SMG1: variants seen among roughly 807,000 people sequenced by gnomAD.
SMG1 encodes the protein serine/threonine-protein kinase SMG1.
SMG1 carries 22 observed loss-of-function variants against 419.9 expected under a neutral mutation model. The ratio of observed to expected loss-of-function variants is 0.05; its 90% CI spans 0.04 to 0.07. SMG1 has a LOEUF of 0.07. Among genes scored for constraint, SMG1 ranks in the 10% least tolerant of loss-of-function variants. SMG1 has a pLI of 1.00. For missense variants in SMG1, 3,185 were observed against 4,342.0 expected (o/e 0.73, Z 7.49); for synonymous variants, 1,538 against 1,553.5 (o/e 0.99, Z 0.23).
intron 22 of SMG1, among the ~76,000 whole-genome samples, chr16:18,867,085 A>G (rs1346860205): frequency 6.6e-6 from 1 of 152,246 alleles, no homozygotes; most frequent in Non-Finnish European, 1.5e-5. Flanking sequence ...AAATATAAAT[A>G]AACAGGAATT....
At chr16:18,854,432 G>A (rs1179904212) in intron 30 of SMG1, among the ~76,000 whole-genome samples, 2 of 151,962 alleles carry the variant, frequency 1.3e-5, no homozygotes, top group Non-Finnish European at 2.9e-5. Context: ...AATGATCTCC[G>A]GAAATACTTC....
At chr16:18,914,670 A>G (rs1039185622) in intron 1 of SMG1, among the ~76,000 whole-genome samples, 42 of 152,014 alleles carry the variant, frequency 2.8e-4, no homozygotes, top group Non-Finnish European at 5.1e-4. Context: ...GATGACAAAT[A>G]AAATAAAATA....
intron 60 of SMG1, among the ~76,000 whole-genome samples, chr16:18,813,168 C>T (rs2031640480): frequency 6.6e-6 from 1 of 152,236 alleles, no homozygotes; most frequent in African/African-American, 2.4e-5. Context: ...GATTTATAGT[C>T]CTTTGGGTAT....
chr16:18,845,362 T>C (rs898794601), intron 39 of SMG1, 67 bp downstream of exon 39: 3 of 1,362,768 alleles, frequency 2.2e-6, no homozygotes, highest in African/African-American at 2.9e-5. Flanking sequence ...GTCCACTTAT[T>C]GAAATTTCGT....
intron 13 of SMG1, among the ~76,000 whole-genome samples, chr16:18,874,149 T>C (rs2035977271): frequency 6.6e-6 from 1 of 152,180 alleles, no homozygotes; most frequent in Admixed American, 6.5e-5. Flanking sequence ...TTGTGTTTTT[T>C]TTCTTTTGAG....
At chr16:18,923,628 C>A (rs1450812365) in intron 1 of SMG1, among the ~76,000 whole-genome samples, 1 of 150,468 alleles carries the variant, frequency 6.6e-6, no homozygotes, top group African/African-American at 2.5e-5. Context: ...GAGCAAGACT[C>A]CATCTCAGGA....
At chr16:18,885,297 AG>A (rs2141745675) in intron 7 of SMG1, 135 bp from the exon 8 acceptor site, 1 of 635,876 alleles carries the variant, frequency 1.6e-6, no homozygotes, top group African/African-American at 1.8e-5. Flanking sequence ...AAACTTAGAA[AG>A]GGGAGAGGGG....
chr16:18,888,720 C>T (rs2036748173), intron 6 of SMG1, among the ~76,000 whole-genome samples: 1 of 151,934 alleles, frequency 6.6e-6, no homozygotes, highest in Non-Finnish European at 1.5e-5. Flanking sequence ...TCCACCTCGG[C>T]CTCCCAAAGT....
intron 45 of SMG1, 58 bp downstream of exon 45, chr16:18,837,956 G>A: frequency 6.5e-7 from 1 of 1,536,806 alleles, no homozygotes; most frequent in East Asian, 2.3e-5. Context: ...ATTTTGATGA[G>A]CATGTTTACT....
Position 18,829,706 on chromosome 16 carries a change from A to C in SMG1, c.9183T>G (p.Ile3061Met). The change falls in exon 54 of 63, where the codon ATT becomes ATG. Residue 3061 changes from isoleucine (I) to methionine (M), a missense_variant. Physicochemically the swap from Ile to Met is conservative, Grantham distance 10 (BLOSUM62 1). This residue lies in a region of SMG1 where 737 missense variants were observed against 846.6 expected (regional missense o/e 0.87). Transcript: ENST00000446231. Reference sequence around the variant, plus strand: ...TTCTAAAAAGGGTTTTCACATTGACAATCTGTACAGGCCCATTCACAGTAT... The same window carrying C: ...TTCTAAAAAGGGTTTTCACATTGACCATCTGTACAGGCCCATTCACAGTAT... ...DQNTVNGPVQ[I>M]VNVKTLFRNS... The C allele has an allele frequency of 1.2e-6, 2 of 1,613,962 alleles. No homozygotes were observed. Among genetic ancestry groups the C allele is most frequent in the East Asian group, 2.2e-5 (1 of 44,890 alleles).
chr16:18,926,301 G>A lies in SMG1; in HGVS notation c.-260C>T. ...TGAGAGAGAGGCGGATGAAGGGGAG[G>A]CGACGTCTTTTCCAGGGCCGTGCGC... On this transcript the variant is annotated 5_prime_UTR_variant, in exon 1 of 63. Transcript: ENST00000446231. 1 of 499,622 alleles carries A rather than the reference G, an allele frequency of 2.0e-6. No homozygotes were observed. Among genetic ancestry groups the A allele is most frequent in the South Asian group, 2.7e-5 (1 of 37,100 alleles). The allele number at this position is 499,622 out of a possible 1,614,324, so 30.9% of individuals were successfully genotyped here. A position where few individuals can be genotyped will look rare whatever the true frequency, so the allele number is the denominator to read the frequency against.
chr16:18,919,923 C>T (rs774631299), intron 1 of SMG1, among the ~76,000 whole-genome samples: 12 of 151,610 alleles, frequency 7.9e-5, no homozygotes, highest in Non-Finnish European at 1.8e-4. Context: ...ATGGCGAAAC[C>T]CTGTCTCTAA....
chr16:18,886,034 T>C (rs1441017541), intron 6 of SMG1, among the ~76,000 whole-genome samples: 1 of 152,214 alleles, frequency 6.6e-6, no homozygotes, highest in African/African-American at 2.4e-5. Context: ...TACTGTTTTC[T>C]CTTCTTCAAT....
Position 18,889,514 on chromosome 16 carries a change from T to C in SMG1, c.680A>G (p.Tyr227Cys). The C allele has an allele frequency of 5.1e-6, 3 of 593,224 alleles. No homozygotes were observed. Among genetic ancestry groups the C allele is most frequent in the Non-Finnish European group, 5.9e-6 (2 of 341,638 alleles). The allele number at this position is 593,224 out of a possible 1,614,324, so 36.7% of individuals were successfully genotyped here. ...CLGLLCASLS[Y>C]EAEKIFKWIF... The stretch of plus-strand genomic sequence containing the variant: ...CCACTTGAAGATCTTCTCAGCCTCA[T>C]AGCTCAGAGAAGCACAAAGAAGGCC... Residue 227 changes from tyrosine (Y) to cysteine (C), a missense_variant, in exon 6 of 63, where the codon TAT (tyrosine) becomes TGT (cysteine). Around this residue, in one of 27 missense-constraint regions of SMG1, gnomAD observed 53 missense variants for 56.3 expected, o/e 0.94. Transcript: ENST00000446231.
chr16:18,909,644 T>C (rs1390471696), intron 1 of SMG1, among the ~76,000 whole-genome samples: 1 of 152,220 alleles, frequency 6.6e-6, no homozygotes, highest in Admixed American at 6.5e-5. Context: ...TTCCAGAAGA[T>C]ATGGTCTCAC....
intron 60 of SMG1, among the ~76,000 whole-genome samples, chr16:18,812,601 C>T (rs1197886474): frequency 7.0e-6 from 1 of 142,310 alleles, no homozygotes; most frequent in African/African-American, 2.6e-5. Flanking sequence ...TATATATACA[C>T]ATATATATAC....
intron 1 of SMG1, among the ~76,000 whole-genome samples, chr16:18,898,176 C>G (rs573058998): frequency 3.7e-4 from 57 of 152,304 alleles, no homozygotes; most frequent in African/African-American, 1.3e-3. Flanking sequence ...TTGATCTGCA[C>G]TTACTGCAAT....
chr16:18,845,547 G>A lies in SMG1; in HGVS notation c.6101C>T (p.Thr2034Ile). Residue 2034 changes from threonine (T) to isoleucine (I), a missense_variant, in exon 39 of 63, where the codon ACA becomes ATA. Thr to Ile is a moderately conservative substitution (Grantham distance 89). Coordinates refer to ENST00000446231, the MANE Select transcript of SMG1 (RefSeq NM_015092.5). The part of the protein sequence containing the change: ...VRSITAAPAE[T>I]PHEKWFQDNY... ...ATCCTGAAACCATTTTTCATGAGGT[G>A]TTTCTGCAGGAGCCGCTGTGATACT... 1.2e-6 allele frequency: 2 copies of A among 1,613,910 alleles called. No homozygotes were observed. The highest frequency in any genetic ancestry group is 1.1e-5 in the South Asian group (1 of 91,078).
chr16:18,883,410 G>A (rs1451322293), intron 9 of SMG1, among the ~76,000 whole-genome samples: 1 of 152,202 alleles, frequency 6.6e-6, no homozygotes, highest in Non-Finnish European at 1.5e-5. Flanking sequence ...ATCTTTAGGG[G>A]CTTTTGGTGT....
Sources: allele counts gnomAD v4.1 joint callset (sites outside exome capture counted in the v4.1 genomes callset), GRCh38; gene constraint gnomAD v4.1.1; regional missense constraint gnomAD v4.1.1; transcripts MANE v1.5; gene names NCBI Gene and HGNC (gene_info 2026-07-23, HGNC 2026-07-21).